The following DTD1 variants were observed in gnomAD, a reference collection of about 807,000 sequenced individuals.
The protein encoded by DTD1 is D-tyrosyl-tRNA deacylase 1 homolog.
In DTD1, 13 loss-of-function variants were observed where a neutral mutation model predicts 25.6. That is an observed-to-expected ratio of 0.51 (90% CI 0.33 to 0.81). The LOEUF is 0.81. Among genes scored for constraint, DTD1 ranks in the 30% least tolerant of loss-of-function variants. The pLI, the probability that DTD1 is intolerant of heterozygous loss-of-function variation, is 0.02. For missense variants in DTD1, 193 were observed against 266.4 expected, an observed-to-expected ratio of 0.72 and a Z score of 1.92; for synonymous variants, 110 against 103.6, an observed-to-expected ratio of 1.06 and a Z score of -0.37.
intron 3 of DTD1, among the ~76,000 whole-genome samples, chr20:18,611,699 A>G (rs577532370): frequency 4.7e-4 from 71 of 152,162 alleles, no homozygotes; most frequent in African/African-American, 1.7e-3. Context: ...GCTGTGATGC[A>G]TGTGCCCACA....
At chr20:18,610,878 C>G (rs951718981) in intron 3 of DTD1, among the ~76,000 whole-genome samples, 1 of 152,258 alleles carries the variant, frequency 6.6e-6, no homozygotes, top group African/African-American at 2.4e-5. Context: ...TGCTGCTGCA[C>G]TCCAGCCTGG....
At position 18,766,546 on chromosome 20, in the gene DTD1, A is replaced by C. The variant is rs2061379512; in HGVS notation, c.*3206A>C. On this transcript the variant is annotated 3_prime_UTR_variant, in exon 6 of 6. Transcript: ENST00000377452. ...ATCACGAGGTCAGTAGATCAAGACC[A>C]TCCTGGCTAACACAGTGAAACCCCG... 6.6e-6 allele frequency: 1 copy of C among 151,968 alleles called. No homozygotes were observed. The highest frequency in any genetic ancestry group is 1.5e-5 in the Non-Finnish European group (1 of 68,034). 9.4% of individuals were successfully genotyped at this position (151,968 alleles called of 1,614,324 possible). A position where few individuals can be genotyped will look rare whatever the true frequency, so the allele number is the denominator to read the frequency against.
At chr20:18,683,821 T>TG (rs2061006430) in intron 4 of DTD1, among the ~76,000 whole-genome samples, 1 of 152,228 alleles carries the variant, frequency 6.6e-6, no homozygotes, top group Non-Finnish European at 1.5e-5. Context: ...CCGTGCTTCT[T>TG]GCTTGATTCC....
At chr20:18,612,227 G>A (rs2060690036) in intron 3 of DTD1, among the ~76,000 whole-genome samples, 1 of 151,692 alleles carries the variant, frequency 6.6e-6, no homozygotes, top group African/African-American at 2.4e-5. Flanking sequence ...GTAGAGACGG[G>A]GTTTCACCGT....
At chr20:18,711,705 A>T (rs2061159235) in intron 4 of DTD1, among the ~76,000 whole-genome samples, 1 of 152,104 alleles carries the variant, frequency 6.6e-6, no homozygotes, top group African/African-American at 2.4e-5. Context: ...GGTTGCCTTG[A>T]AGTCCTTCCT....
chr20:18,756,164 A>AAT (rs1268323503), intron 5 of DTD1, among the ~76,000 whole-genome samples: 1 of 152,204 alleles, frequency 6.6e-6, no homozygotes, highest in Non-Finnish European at 1.5e-5. Flanking sequence ...TAGATTCTGG[A>AAT]TATTAGCCGT....
intron 4 of DTD1, among the ~76,000 whole-genome samples, chr20:18,710,667 A>G (rs1427888686): frequency 1.3e-5 from 2 of 152,254 alleles, no homozygotes; most frequent in African/African-American, 4.8e-5. Context: ...AGACTTGCCT[A>G]TAGCTTAGAA....
chr20:18,751,064 C>CATGT (rs1555804484), intron 5 of DTD1, among the ~76,000 whole-genome samples: 1 of 150,290 alleles, frequency 6.7e-6, no homozygotes, highest in Non-Finnish European at 1.5e-5. Flanking sequence ...CTACAGCAGC[C>CATGT]GTGTGTGTGT....
intron 4 of DTD1, among the ~76,000 whole-genome samples, chr20:18,714,955 G>A (rs2061174473): frequency 6.6e-6 from 1 of 152,114 alleles, no homozygotes; most frequent in African/African-American, 2.4e-5. Context: ...ATTGTCCAGG[G>A]CTTTTAAGAA....
intron 4 of DTD1, among the ~76,000 whole-genome samples, chr20:18,641,760 T>C (rs2060829383): frequency 6.6e-6 from 1 of 152,222 alleles, no homozygotes; most frequent in Admixed American, 6.5e-5. Context: ...ATTCTGTGTA[T>C]TAATTTCTTA....
chr20:18,668,146 G>A (rs1427225504), intron 4 of DTD1, among the ~76,000 whole-genome samples: 1 of 152,152 alleles, frequency 6.6e-6, no homozygotes, highest in Non-Finnish European at 1.5e-5. Flanking sequence ...ACATATGTTT[G>A]TCCATGTGTT....
chr20:18,730,154 C>T (rs913630899), intron 4 of DTD1, among the ~76,000 whole-genome samples: 1 of 152,136 alleles, frequency 6.6e-6, no homozygotes, highest in Non-Finnish European at 1.5e-5. Flanking sequence ...ATCAACACCT[C>T]AAGTGGTAAA....
intron 4 of DTD1, among the ~76,000 whole-genome samples, chr20:18,680,914 A>C (rs983640765): frequency 1.3e-4 from 20 of 152,222 alleles, no homozygotes; most frequent in Non-Finnish European, 2.6e-4. Context: ...GAACCATAAA[A>C]GTCTTCCAGC....
intron 5 of DTD1, among the ~76,000 whole-genome samples, chr20:18,753,817 T>C (rs2061329735): frequency 6.6e-6 from 1 of 152,154 alleles, no homozygotes. Context: ...ATTCTTTTCA[T>C]GTTCTATCTG....
intron 4 of DTD1, among the ~76,000 whole-genome samples, chr20:18,719,769 A>G (rs2061195352): frequency 6.6e-6 from 1 of 152,172 alleles, no homozygotes; most frequent in Admixed American, 6.5e-5. Context: ...GTGACTTAAG[A>G]CACTTACTTT....
intron 4 of DTD1, among the ~76,000 whole-genome samples, chr20:18,697,060 C>T (rs934831124): frequency 2.0e-5 from 3 of 151,576 alleles, no homozygotes; most frequent in Admixed American, 6.6e-5. Context: ...TGAAACCCCG[C>T]CTCTACTAAA....
At chr20:18,732,480 C>T (rs984018570) in intron 4 of DTD1, among the ~76,000 whole-genome samples, 1 of 152,192 alleles carries the variant, frequency 6.6e-6, no homozygotes, top group African/African-American at 2.4e-5. Flanking sequence ...AGGGTACACA[C>T]ACCAGGAGTA....
chr20:18,733,837 C>A, intron 4 of DTD1, among the ~76,000 whole-genome samples: 1 of 152,180 alleles, frequency 6.6e-6, no homozygotes, highest in Non-Finnish European at 1.5e-5. Flanking sequence ...ACCATGTGTG[C>A]ACTTTGCTTC....
At chr20:18,632,585 A>G (rs141230900) in intron 4 of DTD1, 2 of 985,168 alleles carry the variant, frequency 2.0e-6, no homozygotes, top group African/African-American at 3.5e-5. Context: ...GTTTCTATCA[A>G]TTAAGCTTTT....
Sources: gnomAD v4.1 joint callset for allele counts (sites outside exome capture counted in the v4.1 genomes callset) on GRCh38, gnomAD v4.1.1 for gene constraint, MANE v1.5 for transcripts, NCBI Gene and HGNC (gene_info 2026-07-23, HGNC 2026-07-21) for gene names.